Variants in DNAH8 observed in about 807,000 individuals in gnomAD.
DNAH8 encodes the protein dynein axonemal heavy chain 8.
In DNAH8, 382 loss-of-function variants were observed where a neutral mutation model predicts 562.1. The ratio of observed to expected loss-of-function variants is 0.68; its 90% CI spans 0.63 to 0.74. The LOEUF (loss-of-function observed/expected upper bound fraction) is 0.74, where lower values mean the gene tolerates loss of function less well. DNAH8 is among the 30% of genes least tolerant of loss of function. The probability of loss-of-function intolerance (pLI) is 0.00; values close to 1 mark genes in which losing one functional copy is unlikely to be tolerated. For missense variants in DNAH8, 5,203 were observed against 5,620.4 expected, an observed-to-expected ratio of 0.93 and a Z score of 2.37; for synonymous variants, 1,881 against 1,919.4, an observed-to-expected ratio of 0.98 and a Z score of 0.52.
Position 38,909,725 on chromosome 6 carries a change from T to C in DNAH8, c.9721T>C (p.Cys3241Arg), listed in dbSNP as rs1285827985. Reference protein sequence around the residue: ...GLFHDMVSESCESYFQRYRRR... With the variant: ...GLFHDMVSESRESYFQRYRRR... ...GTTTCATGACATGGTTTCAGAGAGCTGTGAAAGTTATTTCCAAAGGTAAGT... is the reference window on the plus strand; with the variant it reads ...GTTTCATGACATGGTTTCAGAGAGCCGTGAAAGTTATTTCCAAAGGTAAGT... The change falls in exon 65 of 93, where the codon TGT becomes CGT. Residue 3241 changes from cysteine to arginine, a missense_variant. Around this residue, in one of 6 missense-constraint regions of DNAH8, gnomAD observed 977 missense variants for 1,061.8 expected, o/e 0.92. Coordinates refer to ENST00000327475, the MANE Select transcript of DNAH8 (RefSeq NM_001206927.2). 1 of 1,613,894 alleles carries C rather than the reference T, an allele frequency of 6.2e-7. No individual in the cohort carries two copies. The highest frequency in any genetic ancestry group is 8.5e-7 in the Non-Finnish European group (1 of 1,179,908).
chr6:39,012,127 A>G, intron 89 of DNAH8, 88 bp from the exon 90 acceptor site: 2 of 972,858 alleles, frequency 2.1e-6, no homozygotes, highest in South Asian at 3.4e-5. Context: ...CATCTAGAGG[A>G]AGAAAAAGAA....
intron 18 of DNAH8, among the ~76,000 whole-genome samples, chr6:38,788,842 T>C (rs1435633017): frequency 6.6e-6 from 1 of 152,228 alleles, no homozygotes; most frequent in Non-Finnish European, 1.5e-5. Flanking sequence ...TAAGAAACCT[T>C]TTTTGAATCC....
At position 38,847,449 on chromosome 6, in the gene DNAH8, C is replaced by T. The variant is rs75477890; in HGVS notation, c.5046-1199C>T. Reference sequence around the variant, plus strand: ...GGCATATTGACTGCCTTTCAGCTCTCGACCAGTGGCCAGGGAAACAGCATA... The same window carrying T: ...GGCATATTGACTGCCTTTCAGCTCTTGACCAGTGGCCAGGGAAACAGCATA... On this transcript the variant is annotated intron_variant, in intron 36 of 92. Transcript: ENST00000327475. Among the ~76,000 whole-genome samples the T allele has an allele frequency of 1.2e-3, 177 of 152,004 alleles. 2 individuals are homozygous for T. The East Asian group carries it at 0.031, about 26-fold the overall frequency.
intron 22 of DNAH8, among the ~76,000 whole-genome samples, chr6:38,804,036 C>T (rs941706853): frequency 6.6e-6 from 1 of 152,198 alleles, no homozygotes; most frequent in Non-Finnish European, 1.5e-5. Flanking sequence ...AACTTCCTTA[C>T]TTCATCACAT....
chr6:38,974,584 C>T, intron 85 of DNAH8, 55 bp downstream of exon 85: 1 of 1,485,910 alleles, frequency 6.7e-7, no homozygotes, highest in East Asian at 2.3e-5. Flanking sequence ...TGTGCTGAGG[C>T]CCCATTGGAG....
intron 65 of DNAH8, among the ~76,000 whole-genome samples, chr6:38,910,736 C>A (rs1437762337): frequency 6.6e-6 from 1 of 151,792 alleles, no homozygotes; most frequent in African/African-American, 2.4e-5. Flanking sequence ...AATATTTTTA[C>A]AACACTTTAA....
At chr6:38,732,197 CCA>C (rs1225863216) in intron 4 of DNAH8, among the ~76,000 whole-genome samples, 1 of 152,186 alleles carries the variant, frequency 6.6e-6, no homozygotes, top group Non-Finnish European at 1.5e-5. Context: ...GTATAACATT[CCA>C]TTATACAGCT....
chr6:38,715,669 C>G (rs887450430), intron 1 of DNAH8, among the ~76,000 whole-genome samples: 10 of 150,816 alleles, frequency 6.6e-5, no homozygotes, highest in Non-Finnish European at 8.9e-5. Flanking sequence ...ACTAGAAAAC[C>G]AAATACCGCA....
At position 39,003,017 on chromosome 6, in the gene DNAH8, A is replaced by T. The variant is rs1583548598; in HGVS notation, c.13215-5797A>T. 5.9e-5 allele frequency among the ~76,000 whole-genome samples: 9 copies of T among 152,318 alleles called. No individual in the cohort carries two copies. In the South Asian group the frequency reaches 1.9e-3, roughly 32 times the overall value. ...CAAATAAAAATGCTGAAGACAGAGC[A>T]TCTCCTCCATTCTTCAGCTTTATTC... On this transcript the variant is annotated intron_variant, in intron 88 of 92. Coordinates refer to ENST00000327475, the MANE Select transcript of DNAH8 (RefSeq NM_001206927.2).
chr6:38,863,868 G>A lies in DNAH8; in HGVS notation c.6311-5G>A, dbSNP rs372864115. ...ACTTTACAAATTAACTGTTTTTCAT[G>A]CCAGGTCTTGCACAGTCGGGTTCCT... On this transcript the variant is annotated splice_region_variant and splice_polypyrimidine_tract_variant and intron_variant, in intron 44 of 92. Transcript: ENST00000327475. 5.7e-6 allele frequency: 9 copies of A among 1,571,658 alleles called. No individual in the cohort carries two copies. In the East Asian group the frequency reaches 1.6e-4, roughly 28 times the overall value.
rs544650151 is a variant in DNAH8 at position 38,823,576 on chromosome 6, C to T, written c.3735C>T (p.Asn1245=). The change falls in exon 28 of 93, where the codon AAC becomes AAT. Residue 1245 remains asparagine (N), a synonymous_variant. Transcript: ENST00000327475. The stretch of plus-strand genomic sequence containing the variant: ...TCTTACCACAGGAATTTTTGGCTAA[C>T]AACCCCTCTCTGACTGAAATCAGAT... ...RDVKVKEFLA[N]NPSLTEIRSE... 1.2e-6 allele frequency: 2 copies of T among 1,607,128 alleles called. No homozygotes were observed. Among genetic ancestry groups the T allele is most frequent in the African/African-American group, 2.7e-5 (2 of 74,786 alleles).
At position 38,737,165 on chromosome 6, in the gene DNAH8, C is replaced by A. The variant is rs1222850683; in HGVS notation, c.861C>A (p.Asn287Lys). ...NIFLPAVLATNNWGALNQSKQ... is the reference protein window; with the variant it reads ...NIFLPAVLATKNWGALNQSKQ... Reference sequence around the variant, plus strand: ...TTCTACCAGCTGTTCTTGCAACAAACAACTGGGGTGCTTTAAACCAGTCCA... The same window carrying A: ...TTCTACCAGCTGTTCTTGCAACAAAAAACTGGGGTGCTTTAAACCAGTCCA... The change falls in exon 6 of 93, where the codon AAC becomes AAA. Residue 287 changes from asparagine (N) to lysine (K), a missense_variant. Asn to Lys is a moderately conservative substitution (Grantham distance 94). Coordinates refer to ENST00000327475, the MANE Select transcript of DNAH8 (RefSeq NM_001206927.2). 4 of 1,584,736 alleles carry A rather than the reference C, an allele frequency of 2.5e-6. No homozygotes were observed. Among genetic ancestry groups the A allele is most frequent in the Middle Eastern group, 1.7e-4 (1 of 5,990 alleles).
rs370607993 is a variant in DNAH8, at chr6:38,838,039, C to T, written c.4463C>T (p.Thr1488Ile). 14 of 1,599,908 alleles carry T rather than the reference C, an allele frequency of 8.8e-6. No homozygotes were observed. The highest frequency in any genetic ancestry group is 1.2e-5 in the Non-Finnish European group (14 of 1,171,690). Residue 1488 changes from threonine (T) to isoleucine (I), a missense_variant, in exon 33 of 93, where the codon ACC becomes ATC. By Grantham distance (89) the Thr-to-Ile change is moderately conservative. Coordinates refer to ENST00000327475, the MANE Select transcript of DNAH8 (RefSeq NM_001206927.2). ...ACTGATTATGAGGTTTTACACAAAA[C>T]CAGGTAAGTTTAGAAAATAAGCAAG... ...PVTDYEVLHK[T>I]RKELNLLQKL...
rs767897929 is a variant in DNAH8, at chr6:38,848,727, C to T, written c.5125C>T (p.Leu1709Phe). The T allele has an allele frequency of 1.9e-5, 30 of 1,612,906 alleles. No individual in the cohort carries two copies. In the Middle Eastern group the frequency reaches 8.3e-4, roughly 44 times the overall value. Residue 1709 changes from leucine to phenylalanine, a missense_variant, in exon 37 of 93, where the codon CTC (leucine) becomes TTC (phenylalanine). Transcript: ENST00000327475. ...STSSDIIEEW[L>F]VVQNLWVYLE... ...TTCCTCAGATATAATTGAAGAGTGG[C>T]TCGTAGTACAGAACCTTTGGGTTTA...
In DNAH8 at chr6:38,873,382, AT is replaced by A. The variant is rs558170060; in HGVS notation, c.7620+15del. 253 of 1,565,546 alleles carry A rather than the reference AT, an allele frequency of 1.6e-4. 1 individual carries two copies. Among genetic ancestry groups the A allele is most frequent in the South Asian group, 1.1e-3 (88 of 82,264 alleles). ...AGTGCAACTATATTGTGCAAGTAAG[AT>A]TTTTTTTTGTACATTTACTACTTCG... On this transcript the variant is annotated splice_region_variant and intron_variant, in intron 52 of 92. Coordinates refer to ENST00000327475, the MANE Select transcript of DNAH8 (RefSeq NM_001206927.2).
intron 35 of DNAH8, 136 bp downstream of exon 35, chr6:38,843,039 C>A: frequency 2.7e-6 from 2 of 749,820 alleles, no homozygotes; most frequent in Non-Finnish European, 4.2e-6. Context: ...TTGGAATGAT[C>A]CTGAACATTC....
In DNAH8 at chr6:38,926,046, G is replaced by C; in HGVS notation, c.10963-9G>C. 3.7e-6 allele frequency: 6 copies of C among 1,611,746 alleles called. No individual in the cohort carries two copies. Among genetic ancestry groups the C allele is most frequent in the Non-Finnish European group, 5.1e-6 (6 of 1,178,854 alleles). Reference sequence around the variant, plus strand: ...CTTTGAATGGTGATATCCATTTCCTGTTGTTCAGATTGGTGAGTGGGGGCT... The same window carrying C: ...CTTTGAATGGTGATATCCATTTCCTCTTGTTCAGATTGGTGAGTGGGGGCT... On this transcript the variant is annotated splice_polypyrimidine_tract_variant and intron_variant, in intron 73 of 92. Coordinates refer to ENST00000327475, the MANE Select transcript of DNAH8 (RefSeq NM_001206927.2).
At chr6:38,923,014 C>T in intron 71 of DNAH8, 44 bp from the exon 72 acceptor site, 1 of 1,586,152 alleles carries the variant, frequency 6.3e-7, no homozygotes, top group Non-Finnish European at 8.6e-7. Context: ...TTGTGTTAAG[C>T]ACTTAGAAAA....
chr6:38,925,309 A>T (rs1468550310), intron 73 of DNAH8, among the ~76,000 whole-genome samples: 1 of 120,652 alleles, frequency 8.3e-6, no homozygotes, highest in African/African-American at 3.5e-5. Flanking sequence ...ATTTTATTTT[A>T]TTTTATTTTA....
Sources: gnomAD v4.1 joint callset for allele counts (sites outside exome capture counted in the v4.1 genomes callset) on GRCh38, gnomAD v4.1.1 for gene constraint, gnomAD v4.1.1 regional missense constraint, MANE v1.5 for transcripts, NCBI Gene and HGNC (gene_info 2026-07-23, HGNC 2026-07-21) for gene names.